DTNA: variants seen among roughly 807,000 people sequenced by gnomAD.
DTNA encodes dystrophin-related protein 3.
DTNA carries 43 observed loss-of-function variants against 100.7 expected under a neutral mutation model. The observed-to-expected ratio is 0.43, with a 90% CI of 0.33 to 0.55. DTNA has a LOEUF of 0.55. Among genes scored for constraint, DTNA ranks in the 20% least tolerant of loss-of-function variants. DTNA has a pLI of 0.04. For missense variants in DTNA, 798 were observed against 953.9 expected (o/e 0.84, Z 2.15); for synonymous variants, 349 against 347.9 (o/e 1.00, Z -0.04).
At chr18:34,496,050 C>G (rs941570384) in intron 1 of DTNA, among the ~76,000 whole-genome samples, 2 of 152,020 alleles carry the variant, frequency 1.3e-5, no homozygotes, top group Non-Finnish European at 2.9e-5. Context: ...TCATCTTTCA[C>G]TTTAATTAAA....
At chr18:34,711,217 G>A (rs2082846137) in intron 1 of DTNA, among the ~76,000 whole-genome samples, 1 of 152,132 alleles carries the variant, frequency 6.6e-6, no homozygotes, top group South Asian at 2.1e-4. Context: ...CTCATGCGTT[G>A]TTTACATATC....
At chr18:34,499,310 A>G (rs2039637811) in intron 1 of DTNA, among the ~76,000 whole-genome samples, 2 of 152,226 alleles carry the variant, frequency 1.3e-5, no homozygotes, top group South Asian at 2.1e-4. Context: ...TGAATGTCCC[A>G]ATAGCTTACT....
At chr18:34,754,677 T>G (rs1295429439) in intron 1 of DTNA, among the ~76,000 whole-genome samples, 1 of 152,208 alleles carries the variant, frequency 6.6e-6, no homozygotes, top group Non-Finnish European at 1.5e-5. Context: ...TGGGGTACAA[T>G]GTAATGTGTT....
At chr18:34,665,238 T>C (rs1234996056) in intron 1 of DTNA, among the ~76,000 whole-genome samples, 1 of 152,072 alleles carries the variant, frequency 6.6e-6, no homozygotes, top group Non-Finnish European at 1.5e-5. Context: ...CACAAATATT[T>C]TTTTCCTTAG....
At chr18:34,789,312 T>C (rs2094617858) in intron 3 of DTNA, among the ~76,000 whole-genome samples, 1 of 152,246 alleles carries the variant, frequency 6.6e-6, no homozygotes, top group South Asian at 2.1e-4. Context: ...TCCGCTCCTT[T>C]CTTCCCTTAA....
intron 1 of DTNA, among the ~76,000 whole-genome samples, chr18:34,753,837 G>C (rs1259597849): frequency 6.6e-6 from 1 of 152,136 alleles, no homozygotes; most frequent in Non-Finnish European, 1.5e-5. Flanking sequence ...TTTTGTGAAA[G>C]TCAGTATTAT....
rs1009314619 is a variant in DTNA, at chr18:34,888,813, A to G, written c.*1079A>G. ...CCCATCAAGTTGTTTGGAGGCCTTC[A>G]GCTTTAAATGTACAGGCTTAAAGTG... On this transcript the variant is annotated 3_prime_UTR_variant, in exon 23 of 23. Coordinates refer to ENST00000444659, the MANE Select transcript of DTNA (RefSeq NM_001386795.1). 1.0e-6 allele frequency: 1 copy of G among 985,748 alleles called. No homozygotes were observed. Among genetic ancestry groups the G allele is most frequent in the African/African-American group, 1.7e-5 (1 of 57,242 alleles). 61.1% of individuals were successfully genotyped at this position (985,748 alleles called of 1,614,324 possible). A position where few individuals can be genotyped will look rare whatever the true frequency, so the allele number is the denominator to read the frequency against.
intron 4 of DTNA, among the ~76,000 whole-genome samples, chr18:34,795,923 A>G (rs564327801): frequency 6.6e-6 from 1 of 152,342 alleles, no homozygotes; most frequent in Admixed American, 6.5e-5. Flanking sequence ...CGGTCTCTAA[A>G]TAGCTGCTGA....
In DTNA at chr18:34,609,523, C is replaced by T. The variant is rs146626269; in HGVS notation, c.-2+116009C>T. On this transcript the variant is annotated intron_variant, in intron 1 of 19. Transcript: ENST00000283365. ...CCTCCCAAAGTGCTGGGATTACAGG[C>T]GTGAGCCACCGCGCCTGGCCACTGC... 5.0e-3 allele frequency among the ~76,000 whole-genome samples: 758 copies of T among 152,244 alleles called. 5 individuals carry two copies. Among genetic ancestry groups the T allele is most frequent in the African/African-American group, 0.016 (665 of 41,558 alleles).
rs374834706 is a variant in DTNA at position 34,838,891 on chromosome 18, T to C, written c.1346+54T>C. 2.3e-5 allele frequency: 35 copies of C among 1,526,518 alleles called. No individual in the cohort carries two copies. In the African/African-American group the frequency reaches 4.6e-4, roughly 20 times the overall value. 94.6% of individuals were successfully genotyped at this position (1,526,518 alleles called of 1,614,324 possible). A position where few individuals can be genotyped will look rare whatever the true frequency, so the allele number is the denominator to read the frequency against. On this transcript the variant is annotated intron_variant, in intron 13 of 22. Coordinates refer to ENST00000444659, the MANE Select transcript of DTNA (RefSeq NM_001386795.1). ...CCTTAGAGAGGGATACAGTCTGAGCTGGTGACAAGCAGTCTCAGCAAGGAG... is the reference window on the plus strand; with the variant it reads ...CCTTAGAGAGGGATACAGTCTGAGCCGGTGACAAGCAGTCTCAGCAAGGAG...
intron 1 of DTNA, among the ~76,000 whole-genome samples, chr18:34,743,733 C>T (rs1025405723): frequency 3.6e-4 from 55 of 152,164 alleles, no homozygotes; most frequent in African/African-American, 1.3e-3. Flanking sequence ...GAATCAGTAG[C>T]GAGGAAGGGG....
intron 2 of DTNA, among the ~76,000 whole-genome samples, chr18:34,761,155 C>T (rs993418539): frequency 6.3e-5 from 4 of 63,606 alleles, no homozygotes; most frequent in South Asian, 1.2e-3. Flanking sequence ...CACACACACA[C>T]ACACACACAC....
chr18:34,630,952 G>A (rs2058007059), intron 1 of DTNA, among the ~76,000 whole-genome samples: 1 of 152,072 alleles, frequency 6.6e-6, no homozygotes, highest in South Asian at 2.1e-4. Flanking sequence ...TGTAGAATTA[G>A]GAAAAGAAAG....
At chr18:34,566,050 C>T (rs948345448) in intron 1 of DTNA, among the ~76,000 whole-genome samples, 9 of 152,082 alleles carry the variant, frequency 5.9e-5, no homozygotes, top group Non-Finnish European at 7.3e-5. Context: ...ATGAAAATGG[C>T]CACTAGCAGG....
intron 13 of DTNA, among the ~76,000 whole-genome samples, chr18:34,844,918 C>T (rs568119820): frequency 6.6e-6 from 1 of 152,216 alleles, no homozygotes; most frequent in South Asian, 2.1e-4. Flanking sequence ...CAGACACTGG[C>T]CATGCATTTC....
chr18:34,518,928 A>G (rs1364157627), intron 1 of DTNA, among the ~76,000 whole-genome samples: 3 of 152,098 alleles, frequency 2.0e-5, no homozygotes, highest in African/African-American at 2.4e-5. Context: ...AAGTGGATGC[A>G]GGCAGAGTAG....
At chr18:34,777,451 T>C (rs2094117254) in intron 3 of DTNA, among the ~76,000 whole-genome samples, 1 of 152,256 alleles carries the variant, frequency 6.6e-6, no homozygotes, top group Admixed American at 6.5e-5. Context: ...TATTTATAGA[T>C]ATCTTCTGGG....
At chr18:34,768,518 C>G (rs1217126339) in intron 3 of DTNA, among the ~76,000 whole-genome samples, 1 of 152,160 alleles carries the variant, frequency 6.6e-6, no homozygotes, top group Non-Finnish European at 1.5e-5. Context: ...CTCCTGCTCT[C>G]TGAGAAAGGC....
At chr18:34,569,196 G>T (rs2047351592) in intron 1 of DTNA, among the ~76,000 whole-genome samples, 1 of 152,136 alleles carries the variant, frequency 6.6e-6, no homozygotes, top group South Asian at 2.1e-4. Context: ...TTTGTGTGTA[G>T]AAATGTGTGT....
Sources: gnomAD v4.1 joint callset for allele counts (sites outside exome capture counted in the v4.1 genomes callset) on GRCh38, gnomAD v4.1.1 for gene constraint, MANE v1.5 for transcripts, NCBI Gene and HGNC (gene_info 2026-07-23, HGNC 2026-07-21) for gene names.